Variants in GRM7 observed in about 807,000 individuals in gnomAD.
The protein encoded by GRM7 is metabotropic glutamate receptor 7.
GRM7 carries 35 observed loss-of-function variants against 84.5 expected under a neutral mutation model. The ratio of observed to expected loss-of-function variants is 0.41; its 90% confidence interval spans 0.32 to 0.55. GRM7 has a LOEUF of 0.55. Among genes scored for constraint, GRM7 ranks in the 20% least tolerant of loss-of-function variants. GRM7 has a pLI of 0.19. For synonymous variants in GRM7, 487 were observed against 455.1 expected, an observed-to-expected ratio of 1.07 and a Z score of -0.89; for missense variants, 1,003 against 1,194.6, an observed-to-expected ratio of 0.84 and a Z score of 2.36.
At chr3:7,391,322 A>G (rs946242727) in intron 4 of GRM7, among the ~76,000 whole-genome samples, 18 of 152,322 alleles carry the variant, frequency 1.2e-4, no homozygotes, top group Admixed American at 3.9e-4. Context: ...ATGTCCATCA[A>G]TGATAGACTG....
At chr3:7,303,089 C>T (rs1018145540) in intron 3 of GRM7, among the ~76,000 whole-genome samples, 4 of 151,750 alleles carry the variant, frequency 2.6e-5, no homozygotes, top group African/African-American at 4.8e-5. Context: ...TACAGGTGCC[C>T]GCCACCATGG....
At chr3:7,073,998 T>A (rs1697976626) in intron 1 of GRM7, among the ~76,000 whole-genome samples, 1 of 152,192 alleles carries the variant, frequency 6.6e-6, no homozygotes, top group Non-Finnish European at 1.5e-5. Flanking sequence ...GAATATAATT[T>A]ACTTGCAAAA....
intron 9 of GRM7, among the ~76,000 whole-genome samples, chr3:7,704,205 G>T (rs1484915161): frequency 1.3e-5 from 2 of 152,128 alleles, no homozygotes; most frequent in African/African-American, 4.8e-5. Flanking sequence ...AAATTCAAAA[G>T]TTTTAAAGCG....
rs190378067 is a variant in GRM7, at chr3:7,355,187, A to C, written c.1033+48535A>C. Among the ~76,000 whole-genome samples, 33 of 152,272 alleles carry C rather than the reference A, an allele frequency of 2.2e-4. No homozygotes were observed. The East Asian group carries it at 5.8e-3, about 27-fold the overall frequency. Reference sequence around the variant, plus strand: ...CTGCCTAGATATTTCCTATAAAGTGAAGAATAAGTTGTTGTATCTGGCCCC... The same window carrying C: ...CTGCCTAGATATTTCCTATAAAGTGCAGAATAAGTTGTTGTATCTGGCCCC... On this transcript the variant is annotated intron_variant, in intron 4 of 9. Transcript: ENST00000357716.
intron 4 of GRM7, among the ~76,000 whole-genome samples, chr3:7,309,437 T>C (rs1443376308): frequency 6.6e-6 from 1 of 152,194 alleles, no homozygotes; most frequent in Non-Finnish European, 1.5e-5. Context: ...ATGTTTCATA[T>C]TGAATTATGC....
chr3:7,208,128 A>G (rs986931922), intron 2 of GRM7, among the ~76,000 whole-genome samples: 6 of 152,274 alleles, frequency 3.9e-5, no homozygotes, highest in Admixed American at 2.0e-4. Context: ...AGAATCAGAG[A>G]GGATAAACAT....
intron 2 of GRM7, among the ~76,000 whole-genome samples, chr3:7,170,963 G>T (rs1694965560): frequency 6.6e-6 from 1 of 152,118 alleles, no homozygotes; most frequent in East Asian, 1.9e-4. Flanking sequence ...TTGTGTACAT[G>T]CTGCTCATCA....
chr3:7,150,709 A>G (rs2125069734), intron 2 of GRM7, among the ~76,000 whole-genome samples: 1 of 152,346 alleles, frequency 6.6e-6, no homozygotes, highest in East Asian at 1.9e-4. Context: ...GCAGGGAAGG[A>G]AAGAAAATCC....
intron 7 of GRM7, among the ~76,000 whole-genome samples, chr3:7,473,658 G>C (rs538835783): frequency 6.6e-6 from 1 of 152,268 alleles, no homozygotes; most frequent in South Asian, 2.1e-4. Context: ...ATTGTGCAAA[G>C]CCTGTGATGT....
At chr3:7,458,154 C>T (rs1303500228) in intron 6 of GRM7, among the ~76,000 whole-genome samples, 2 of 152,084 alleles carry the variant, frequency 1.3e-5, no homozygotes, top group Non-Finnish European at 2.9e-5. Context: ...CTTCTCTGTC[C>T]AAGAAGAAAG....
chr3:7,383,495 G>A (rs1694668634), intron 4 of GRM7, among the ~76,000 whole-genome samples: 1 of 152,128 alleles, frequency 6.6e-6, no homozygotes, highest in African/African-American at 2.4e-5. Context: ...GCCAAAAAAT[G>A]ACACAAAATC....
At chr3:7,174,704 G>T (rs560210612) in intron 2 of GRM7, among the ~76,000 whole-genome samples, 3 of 152,268 alleles carry the variant, frequency 2.0e-5, no homozygotes, top group African/African-American at 7.2e-5. Flanking sequence ...ATAGGGAAGT[G>T]CTATCTGCTT....
chr3:6,914,883 A>G (rs1353017452), intron 1 of GRM7, among the ~76,000 whole-genome samples: 2 of 152,178 alleles, frequency 1.3e-5, no homozygotes, highest in Non-Finnish European at 2.9e-5. Flanking sequence ...ATCTCTATTC[A>G]AGACCAGTGT....
At chr3:7,068,686 A>G (rs1697756047) in intron 1 of GRM7, among the ~76,000 whole-genome samples, 1 of 151,986 alleles carries the variant, frequency 6.6e-6, no homozygotes, top group Non-Finnish European at 1.5e-5. Context: ...TCTCAATCCT[A>G]GTTTTCTCCT....
chr3:7,342,397 T>C (rs73113728), intron 4 of GRM7, among the ~76,000 whole-genome samples: 6,339 of 152,266 alleles, frequency 0.042, 295 homozygotes, highest in African/African-American at 0.12. Context: ...ACATTCATCC[T>C]TCCAAGCCCA....
At chr3:7,680,373 C>A in intron 9 of GRM7, 78 bp downstream of exon 9, 3 of 1,445,520 alleles carry the variant, frequency 2.1e-6, no homozygotes, top group Non-Finnish European at 2.9e-6. Flanking sequence ...GCTTGCCTCT[C>A]TGGAGAAATA....
At chr3:7,698,990 A>G (rs1701121745) in intron 9 of GRM7, among the ~76,000 whole-genome samples, 1 of 152,198 alleles carries the variant, frequency 6.6e-6, no homozygotes, top group Admixed American at 6.5e-5. Context: ...GGCGGGAAGT[A>G]TTGTCAGAGA....
intron 1 of GRM7, among the ~76,000 whole-genome samples, chr3:6,907,709 A>G (rs1216821701): frequency 1.3e-5 from 2 of 152,144 alleles, no homozygotes; most frequent in Non-Finnish European, 2.9e-5. Context: ...GAGAGAGAAA[A>G]ATTATTGATT....
In GRM7 at chr3:7,469,173, C is replaced by T. The variant is rs572612973; in HGVS notation, c.1515+7451C>T. 3.9e-5 allele frequency among the ~76,000 whole-genome samples: 6 copies of T among 152,276 alleles called. No homozygotes were observed. The East Asian group carries it at 1.2e-3, about 29-fold the overall frequency. On this transcript the variant is annotated intron_variant, in intron 7 of 9. Transcript: ENST00000357716. ...CTAGGTCATTGTTGACTTAGCGTCC[C>T]AGTGCCTATTGGATGAATGGATCAG...
Sources: gnomAD v4.1 joint callset for allele counts (sites outside exome capture counted in the v4.1 genomes callset) on GRCh38, gnomAD v4.1.1 for gene constraint, MANE v1.5 for transcripts, NCBI Gene and HGNC (gene_info 2026-07-23, HGNC 2026-07-21) for gene names.